MECOM: variants seen among roughly 807,000 people sequenced by gnomAD.
The protein encoded by MECOM is histone-lysine N-methyltransferase MECOM.
In MECOM, 13 loss-of-function variants were observed where a neutral mutation model predicts 116.3. The ratio of observed to expected loss-of-function variants is 0.11; its 90% CI spans 0.07 to 0.18. The LOEUF (loss-of-function observed/expected upper bound fraction) is 0.18, where lower values mean the gene tolerates loss of function less well. MECOM is among the 10% of genes least tolerant of loss of function. MECOM has a pLI of 1.00. For missense variants in MECOM, 1,299 were observed against 1,509.0 expected (o/e 0.86, Z 2.31); for synonymous variants, 528 against 535.2 (o/e 0.99, Z 0.19).
chr3:169,289,075 G>A (rs1366935224), intron 2 of MECOM, among the ~76,000 whole-genome samples: 2 of 152,336 alleles, frequency 1.3e-5, no homozygotes, highest in East Asian at 1.9e-4. Flanking sequence ...TGCTTGCACA[G>A]TGAATATCAG....
chr3:169,149,769 G>T, intron 2 of MECOM: 1 of 440,134 alleles, frequency 2.3e-6, no homozygotes, highest in South Asian at 1.6e-5. Context: ...GAAGAATGGA[G>T]AATTCATTGC....
intron 1 of MECOM, among the ~76,000 whole-genome samples, chr3:169,563,815 T>G (rs1762930701): frequency 6.6e-6 from 1 of 152,176 alleles, no homozygotes; most frequent in Non-Finnish European, 1.5e-5. Flanking sequence ...ACTGTCCTCC[T>G]GTCATAAGAT....
chr3:169,498,108 A>C (rs930046282), intron 1 of MECOM, among the ~76,000 whole-genome samples: 1 of 152,230 alleles, frequency 6.6e-6, no homozygotes, highest in African/African-American at 2.4e-5. Flanking sequence ...GGAGCTTTGA[A>C]GTACAAGATG....
rs1553894638 is a variant in MECOM at position 169,594,170 on chromosome 3, A to AACC, written c.37+69165_37+69166insGGT. ...CCACCACCACAAAAAAAAAAAAAAA[A>AACC]AAAAAACACCTTTTCACCTAAGTAC... is the stretch of plus-strand genomic sequence containing the variant. On this transcript the variant is annotated intron_variant, in intron 1 of 16. Coordinates refer to ENST00000651503, the MANE Select transcript of MECOM (RefSeq NM_004991.4). Among the ~76,000 whole-genome samples the AACC allele has an allele frequency of 1.3e-4, 15 of 119,414 alleles. 2 individuals carry two copies. The highest frequency in any genetic ancestry group is 3.3e-4 in the Admixed American group (4 of 12,090). The allele number at this position is 119,414 out of a possible 152,430, so 78.3% of individuals were successfully genotyped here. A position where few individuals can be genotyped will look rare whatever the true frequency, so the allele number is the denominator to read the frequency against.
rs1744392433 is a variant in MECOM at position 169,171,474 on chromosome 3, A to C, written c.376-27642T>G. Among the ~76,000 whole-genome samples, 3 of 152,284 alleles carry C rather than the reference A, an allele frequency of 2.0e-5. No homozygotes were observed. The South Asian group carries it at 6.2e-4, about 32-fold the overall frequency. ...TACATATTTGAGAAAATAAATTAGA[A>C]ATATTGTTTTATGACAGAGTTATAA... On this transcript the variant is annotated intron_variant, in intron 2 of 16. Transcript: ENST00000651503.
intron 2 of MECOM, among the ~76,000 whole-genome samples, chr3:169,271,836 A>G (rs1326544663): frequency 1.3e-5 from 2 of 152,228 alleles, no homozygotes; most frequent in Non-Finnish European, 2.9e-5. Context: ...GTCTCAGGGT[A>G]ACATTTTTAG....
intron 2 of MECOM, among the ~76,000 whole-genome samples, chr3:169,218,082 C>T (rs1685642): frequency 0.56 from 85,219 of 151,426 alleles, 24,537 homozygotes; most frequent in Middle Eastern, 0.77. Context: ...AAAAGTTTAG[C>T]AATATAGCTT....
chr3:169,623,742 A>G (rs1771023402), intron 1 of MECOM, among the ~76,000 whole-genome samples: 1 of 152,006 alleles, frequency 6.6e-6, no homozygotes, highest in African/African-American at 2.4e-5. Context: ...ATCATCTAGG[A>G]ACAAAAAAAC....
chr3:169,296,095 A>G (rs953036464), intron 2 of MECOM, among the ~76,000 whole-genome samples: 9 of 152,226 alleles, frequency 5.9e-5, no homozygotes, highest in African/African-American at 1.7e-4. Context: ...GAAAAGGGAA[A>G]TGAAACCTGA....
chr3:169,161,962 T>C (rs1742912120), intron 2 of MECOM, among the ~76,000 whole-genome samples: 1 of 152,200 alleles, frequency 6.6e-6, no homozygotes, highest in Non-Finnish European at 1.5e-5. Context: ...CCCTGTGACC[T>C]GATGAGACCC....
chr3:169,145,181 CACACACACAG>C (rs757668656), intron 2 of MECOM: 46 of 189,262 alleles, frequency 2.4e-4, no homozygotes, highest in East Asian at 1.2e-3. Context: ...CACACACACA[CACACACACAG>C]AGAGAAATCA....
At chr3:169,656,395 C>T (rs79776129) in intron 1 of MECOM, among the ~76,000 whole-genome samples, 304 of 152,008 alleles carry the variant, frequency 2.0e-3, no homozygotes, top group African/African-American at 6.8e-3. Flanking sequence ...GCCAAAAGCA[C>T]GTTTGCTAAT....
chr3:169,544,483 G>C (rs1305918792), intron 1 of MECOM, among the ~76,000 whole-genome samples: 1 of 152,160 alleles, frequency 6.6e-6, no homozygotes, highest in Non-Finnish European at 1.5e-5. Context: ...CCCACCAATG[G>C]TGTAAACGTG....
intron 14 of MECOM, 89 bp downstream of exon 14, chr3:169,092,869 T>C: frequency 6.8e-7 from 1 of 1,478,900 alleles, no homozygotes; most frequent in Non-Finnish European, 9.4e-7. Flanking sequence ...GAAGTAATAG[T>C]AGTGCCACAA....
intron 2 of MECOM, among the ~76,000 whole-genome samples, chr3:169,186,929 T>A (rs1746860037): frequency 2.0e-5 from 3 of 152,232 alleles, no homozygotes; most frequent in African/African-American, 7.2e-5. Flanking sequence ...TTTAAGGACA[T>A]CAAGCTACTT....
intron 2 of MECOM, among the ~76,000 whole-genome samples, chr3:169,338,765 G>GA (rs767080776): frequency 1.1e-4 from 17 of 152,034 alleles, no homozygotes; most frequent in Non-Finnish European, 2.1e-4. Context: ...CAATCTTGTA[G>GA]AATTCCTGCC....
At chr3:169,163,200 T>C (rs1743096193) in intron 2 of MECOM, among the ~76,000 whole-genome samples, 1 of 152,204 alleles carries the variant, frequency 6.6e-6, no homozygotes, top group Non-Finnish European at 1.5e-5. Context: ...GCAAAAGATA[T>C]CCATTCATTT....
rs529584119 is a variant in MECOM, at chr3:169,166,352, C to T, written c.376-22520G>A. ...CTTCTCAAAGGTGCTAATTACTGAG[C>T]ATTCCAGGGCTCATTATCTGAATTG... is the stretch of plus-strand genomic sequence containing the variant. On this transcript the variant is annotated intron_variant, in intron 2 of 16. Transcript: ENST00000651503. Among the ~76,000 whole-genome samples, 102 of 152,232 alleles carry T rather than the reference C, an allele frequency of 6.7e-4. 1 individual carries two copies. The highest frequency in any genetic ancestry group is 2.3e-3 in the African/African-American group (96 of 41,504).
intron 2 of MECOM, among the ~76,000 whole-genome samples, chr3:169,182,787 T>C (rs1224902652): frequency 1.3e-5 from 2 of 152,174 alleles, no homozygotes; most frequent in Admixed American, 6.5e-5. Flanking sequence ...TCTTCAGATA[T>C]ATTGAGAATT....
Sources: gnomAD v4.1 joint callset for allele counts (sites outside exome capture counted in the v4.1 genomes callset) on GRCh38, gnomAD v4.1.1 for gene constraint, MANE v1.5 for transcripts, NCBI Gene and HGNC (gene_info 2026-07-23, HGNC 2026-07-21) for gene names.